DEDD2: variants seen among roughly 807,000 people sequenced by gnomAD.
DEDD2 encodes death effector domain containing 2.
Under a neutral mutation model 28.9 loss-of-function variants are expected in DEDD2, and 18 were observed. The ratio of observed to expected loss-of-function variants is 0.62; its 90% confidence interval spans 0.43 to 0.92. DEDD2 has a LOEUF of 0.92. Ranked by LOEUF, DEDD2 falls within the 40% of genes least tolerant of loss-of-function variation. The probability of loss-of-function intolerance (pLI) is 0.00; values close to 1 mark genes in which losing one functional copy is unlikely to be tolerated. For missense variants in DEDD2, 411 were observed against 463.3 expected, an observed-to-expected ratio of 0.89 and a Z score of 1.04; for synonymous variants, 211 against 206.1, an observed-to-expected ratio of 1.02 and a Z score of -0.20.
intron 3 of DEDD2, 81 bp downstream of exon 3, chr19:42,215,052 C>G: frequency 1.3e-6 from 2 of 1,564,160 alleles, no homozygotes; most frequent in Non-Finnish European, 1.7e-6. Flanking sequence ...GACAGAATAA[C>G]CCCTCAGGCC....
intron 1 of DEDD2, 62 bp downstream of exon 1, chr19:42,217,570 C>T: frequency 6.3e-6 from 1 of 159,944 alleles, no homozygotes; most frequent in Non-Finnish European, 1.4e-5. Flanking sequence ...GCCCGCTCCC[C>T]AGAGCCCAGG....
At position 42,215,000 on chromosome 19, in the gene DEDD2, AACACACACACACACACACAC is replaced by A. The variant is rs35862480; in HGVS notation, c.448+113_448+132del. 7 of 1,040,560 alleles carry A rather than the reference AACACACACACACACACACAC, an allele frequency of 6.7e-6. No individual in the cohort carries two copies. The Middle Eastern group carries it at 9.9e-4, about 148-fold the overall frequency. The allele number at this position is 1,040,560 out of a possible 1,614,324, so 64.5% of individuals were successfully genotyped here. A position where few individuals can be genotyped will look rare whatever the true frequency, so the allele number is the denominator to read the frequency against. On this transcript the variant is annotated intron_variant, in intron 3 of 4. Coordinates refer to ENST00000596251, the MANE Select transcript of DEDD2 (RefSeq NM_133328.4). ...TCAGAACAGAGTATCTGTAGCAATA[AACACACACACACACACACAC>A]ACACACACACAGTGAAAATGAGACA...
intron 4 of DEDD2, among the ~76,000 whole-genome samples, chr19:42,203,331 T>C (rs2035405666): frequency 6.6e-6 from 1 of 152,054 alleles, no homozygotes; most frequent in African/African-American, 2.4e-5. Flanking sequence ...AAATGACATC[T>C]GAAGTAAAAT....
chr19:42,215,343 T>A lies in DEDD2; in HGVS notation c.329-91A>T, dbSNP rs912072448. On this transcript the variant is annotated intron_variant, in intron 2 of 4. Coordinates refer to ENST00000596251, the MANE Select transcript of DEDD2 (RefSeq NM_133328.4). ...ATGCCTGCACCACGAGGTGCCTAAGTTCCCCAGTAGTCAGAGCCCAAATAC... is the reference window on the plus strand; with the variant it reads ...ATGCCTGCACCACGAGGTGCCTAAGATCCCCAGTAGTCAGAGCCCAAATAC... 10 of 1,536,856 alleles carry A rather than the reference T, an allele frequency of 6.5e-6. No individual in the cohort carries two copies. The East Asian group carries it at 2.3e-4, about 35-fold the overall frequency.
chr19:42,205,130 T>C (rs75757688), intron 4 of DEDD2, among the ~76,000 whole-genome samples: 12,108 of 152,184 alleles, frequency 0.08, 667 homozygotes, highest in South Asian at 0.18. Flanking sequence ...TCAACCCTAC[T>C]GCAGGATACA....
At chr19:42,215,098 G>T (rs1430232341) in intron 3 of DEDD2, 35 bp downstream of exon 3, 1 of 1,611,480 alleles carries the variant, frequency 6.2e-7, no homozygotes, top group East Asian at 2.2e-5. Context: ...AGGAAAAGAG[G>T]GATGCTGCCA....
intron 4 of DEDD2, among the ~76,000 whole-genome samples, chr19:42,205,060 C>T (rs1216455028): frequency 6.6e-6 from 1 of 152,144 alleles, no homozygotes; most frequent in African/African-American, 2.4e-5. Flanking sequence ...CTGATCAAGC[C>T]TCTCCAGACC....
chr19:42,217,057 A>C lies in DEDD2; in HGVS notation c.-38-12T>G. The C allele has an allele frequency of 2.6e-6, 4 of 1,525,682 alleles. No individual in the cohort carries two copies. The highest frequency in any genetic ancestry group is 2.7e-6 in the Non-Finnish European group (3 of 1,125,476). The allele number at this position is 1,525,682 out of a possible 1,614,324, so 94.5% of individuals were successfully genotyped here. ...GCTCAGAACCCGGCCTAGAACCCAC[A>C]CAGCGGGGAGGGGGCAGTGGTCAGC... On this transcript the variant is annotated splice_polypyrimidine_tract_variant and intron_variant, in intron 1 of 4. Coordinates refer to ENST00000596251, the MANE Select transcript of DEDD2 (RefSeq NM_133328.4).
intron 4 of DEDD2, among the ~76,000 whole-genome samples, chr19:42,207,431 C>G (rs1044010115): frequency 3.3e-5 from 5 of 152,126 alleles, no homozygotes; most frequent in African/African-American, 1.2e-4. Context: ...CCAACTTGGT[C>G]TTCTGACCTC....
In DEDD2 at chr19:42,199,143, G is replaced by A; in HGVS notation, c.*295C>T. ...AGATACAATGTGCAGGGGGGCCTTTGGTGAGTGTGTAGCTGTGCCCCTCCC... is the reference window on the plus strand; with the variant it reads ...AGATACAATGTGCAGGGGGGCCTTTAGTGAGTGTGTAGCTGTGCCCCTCCC... On this transcript the variant is annotated 3_prime_UTR_variant, in exon 5 of 5. Transcript: ENST00000596251. This position sits in a 1 kb window ranked among gnomAD's most constrained non-coding sequence, Gnocchi z 7.4. The A allele has an allele frequency of 2.2e-6, 1 of 450,138 alleles. No homozygotes were observed. The highest frequency in any genetic ancestry group is 4.0e-6 in the Non-Finnish European group (1 of 249,738). The allele number at this position is 450,138 out of a possible 1,614,324, so 27.9% of individuals were successfully genotyped here. A position where few individuals can be genotyped will look rare whatever the true frequency, so the allele number is the denominator to read the frequency against.
At position 42,199,167 on chromosome 19, in the gene DEDD2, C is replaced by T; in HGVS notation, c.*271G>A. The T allele has an allele frequency of 1.9e-6, 1 of 522,052 alleles. No individual in the cohort carries two copies. Among genetic ancestry groups the T allele is most frequent in the Non-Finnish European group, 3.4e-6 (1 of 293,932 alleles). 32.3% of individuals were successfully genotyped at this position (522,052 alleles called of 1,614,324 possible). On this transcript the variant is annotated 3_prime_UTR_variant, in exon 5 of 5. Coordinates refer to ENST00000596251, the MANE Select transcript of DEDD2 (RefSeq NM_133328.4). The surrounding 1 kb of genome is among the most constrained non-coding windows in gnomAD (Gnocchi z 7.4). ...TGGTGAGTGTGTAGCTGTGCCCCTC[C>T]CTTCTGAGATACAGGCCCAGCCCCC... is the stretch of plus-strand genomic sequence containing the variant.
Position 42,215,123 on chromosome 19 carries a change from C to T in DEDD2, c.448+10G>A, listed in dbSNP as rs748489708. ...GGATGCTGCCATTACACCCACCCAGCTGGGCTCACCTGTCTCCCACTGACC... is the reference window on the plus strand; with the variant it reads ...GGATGCTGCCATTACACCCACCCAGTTGGGCTCACCTGTCTCCCACTGACC... On this transcript the variant is annotated intron_variant, in intron 3 of 4. Transcript: ENST00000596251. 24 of 1,613,786 alleles carry T rather than the reference C, an allele frequency of 1.5e-5. No homozygotes were observed. In the South Asian group the frequency reaches 2.5e-4, roughly 17 times the overall value.
chr19:42,200,450 C>T (rs968347516), intron 4 of DEDD2, among the ~76,000 whole-genome samples: 1 of 152,240 alleles, frequency 6.6e-6, no homozygotes, highest in Non-Finnish European at 1.5e-5. Context: ...CACCCTGCCC[C>T]CAAACAATGA....
chr19:42,202,002 C>G (rs935497137), intron 4 of DEDD2: 2 of 398,716 alleles, frequency 5.0e-6, no homozygotes, highest in Non-Finnish European at 8.8e-6. Flanking sequence ...GAGGTGAGTC[C>G]CAGCTCTGCC....
chr19:42,199,141 T>G lies in DEDD2; in HGVS notation c.*297A>C. 5 of 426,102 alleles carry G rather than the reference T, an allele frequency of 1.2e-5. No individual in the cohort carries two copies. Among genetic ancestry groups the G allele is most frequent in the Non-Finnish European group, 1.7e-5 (4 of 234,738 alleles). The allele number at this position is 426,102 out of a possible 1,614,324, so 26.4% of individuals were successfully genotyped here. ...AGAGATACAATGTGCAGGGGGGCCTTTGGTGAGTGTGTAGCTGTGCCCCTC... is the reference window on the plus strand; with the variant it reads ...AGAGATACAATGTGCAGGGGGGCCTGTGGTGAGTGTGTAGCTGTGCCCCTC... On this transcript the variant is annotated 3_prime_UTR_variant, in exon 5 of 5. Coordinates refer to ENST00000596251, the MANE Select transcript of DEDD2 (RefSeq NM_133328.4). This position sits in a 1 kb window ranked among gnomAD's most constrained non-coding sequence, Gnocchi z 7.4.
At chr19:42,208,750 G>C (rs929774573) in intron 4 of DEDD2, among the ~76,000 whole-genome samples, 2 of 152,150 alleles carry the variant, frequency 1.3e-5, no homozygotes, top group African/African-American at 4.8e-5. Flanking sequence ...ACCTGACTAG[G>C]TCAGCTCCAC....
In DEDD2 at chr19:42,199,860, G is replaced by A. The variant is rs756962647; in HGVS notation, c.590-31C>T. 1.4e-4 allele frequency: 220 copies of A among 1,557,240 alleles called. No individual in the cohort carries two copies. The highest frequency in any genetic ancestry group is 1.7e-6 in the Non-Finnish European group (2 of 1,150,164). ...GGGGAAGGAGGGATTTGTCAGGGAGGGGGCCAACACTAGACACACTTATGG... is the reference window on the plus strand; with the variant it reads ...GGGGAAGGAGGGATTTGTCAGGGAGAGGGCCAACACTAGACACACTTATGG... On this transcript the variant is annotated intron_variant, in intron 4 of 4. Coordinates refer to ENST00000596251, the MANE Select transcript of DEDD2 (RefSeq NM_133328.4). This position sits in a 1 kb window ranked among gnomAD's most constrained non-coding sequence, Gnocchi z 7.4.
At position 42,199,786 on chromosome 19, in the gene DEDD2, T is replaced by A. The variant is rs746853692; in HGVS notation, c.633A>T (p.Pro211=). 1.2e-6 allele frequency: 2 copies of A among 1,606,856 alleles called. No homozygotes were observed. Among genetic ancestry groups the A allele is most frequent in the Non-Finnish European group, 1.7e-6 (2 of 1,176,602 alleles). ...GGGATGCCACGCCCTGCTCCAAGGCTGGCCCATGCTCGCAGTACTCTGCTC... is the reference window on the plus strand; with the variant it reads ...GGGATGCCACGCCCTGCTCCAAGGCAGGCCCATGCTCGCAGTACTCTGCTC... ...RVRAEYCEHG[P]ALEQGVASRR... The change falls in exon 5 of 5, where the codon CCA becomes CCT. Residue 211 remains proline (P), a synonymous_variant. Coordinates refer to ENST00000596251, the MANE Select transcript of DEDD2 (RefSeq NM_133328.4). The surrounding 1 kb of genome is among the most constrained non-coding windows in gnomAD (Gnocchi z 7.4).
intron 3 of DEDD2, among the ~76,000 whole-genome samples, chr19:42,210,763 A>G (rs2035724854): frequency 6.6e-6 from 1 of 152,026 alleles, no homozygotes. Context: ...AATGAAATAA[A>G]CCATAAAATT....
Sources: allele counts gnomAD v4.1 joint callset (sites outside exome capture counted in the v4.1 genomes callset), GRCh38; gene constraint gnomAD v4.1.1; non-coding constraint Gnocchi (gnomAD v3.1); transcripts MANE v1.5; gene names NCBI Gene and HGNC (gene_info 2026-07-23, HGNC 2026-07-21).